The following PLCH1 variants were observed in gnomAD, a reference collection of about 807,000 sequenced individuals.
PLCH1 encodes the protein phospholipase C eta 1.
A neutral mutation model predicts 126.7 loss-of-function variants in PLCH1; 60 were observed. The observed-to-expected ratio is 0.47, with a 90% CI of 0.38 to 0.59. The LOEUF (loss-of-function observed/expected upper bound fraction) is 0.59, where lower values mean the gene tolerates loss of function less well. Among genes scored for constraint, PLCH1 ranks in the 20% least tolerant of loss-of-function variants. The probability of loss-of-function intolerance (pLI) is 0.00; values close to 1 mark genes in which losing one functional copy is unlikely to be tolerated. For missense variants in PLCH1, 1,723 were observed against 2,040.0 expected, an observed-to-expected ratio of 0.84 and a Z score of 2.99; for synonymous variants, 719 against 734.9, an observed-to-expected ratio of 0.98 and a Z score of 0.35.
At chr3:155,743,366 T>C (rs1420606138) in intron 1 of PLCH1, 2 of 386,310 alleles carry the variant, frequency 5.2e-6, no homozygotes, top group South Asian at 1.9e-5. Context: ...ACCCCGTCTC[T>C]ACTAAAAATA....
chr3:155,638,543 G>T (rs1418151614), intron 2 of PLCH1, among the ~76,000 whole-genome samples: 1 of 152,158 alleles, frequency 6.6e-6, no homozygotes, highest in Non-Finnish European at 1.5e-5. Flanking sequence ...AGCCAGCTGT[G>T]ACTTCATTTT....
At chr3:155,462,498 A>G (rs1389008166) in intron 21 of PLCH1, among the ~76,000 whole-genome samples, 1 of 152,156 alleles carries the variant, frequency 6.6e-6, no homozygotes, top group African/African-American at 2.4e-5. Flanking sequence ...TGTTTAGGGG[A>G]TTGAAACTGA....
At chr3:155,706,432 C>T (rs2109089676) in intron 1 of PLCH1, among the ~76,000 whole-genome samples, 1 of 151,800 alleles carries the variant, frequency 6.6e-6, no homozygotes, top group South Asian at 2.1e-4. Context: ...CCAGCCTGAC[C>T]AACATGGTGA....
intron 2 of PLCH1, among the ~76,000 whole-genome samples, chr3:155,637,463 A>C (rs1738873617): frequency 6.6e-6 from 1 of 151,026 alleles, no homozygotes; most frequent in Non-Finnish European, 1.5e-5. Context: ...GAGCAAAATA[A>C]AATGCCATGT....
chr3:155,479,521 A>T (rs1012245942), downstream of PLCH1, among the ~76,000 whole-genome samples: 1 of 151,690 alleles, frequency 6.6e-6, no homozygotes, highest in East Asian at 1.9e-4. Flanking sequence ...GCCAAACATA[A>T]CCTCTCACTT....
intron 4 of PLCH1, among the ~76,000 whole-genome samples, chr3:155,590,375 G>A (rs948721055): frequency 3.3e-5 from 5 of 152,138 alleles, no homozygotes; most frequent in African/African-American, 4.8e-5. Flanking sequence ...TCAGGAGATA[G>A]AGACCATCCT....
chr3:155,635,843 C>T (rs883701), intron 2 of PLCH1, among the ~76,000 whole-genome samples: 43,867 of 151,844 alleles, frequency 0.29, 6,789 homozygotes, highest in East Asian at 0.43. Flanking sequence ...TGTTTAGATA[C>T]TTTTGGCTGC....
At position 155,601,168 on chromosome 3, in the gene PLCH1, A is replaced by G. The variant is rs568440699; in HGVS notation, c.80-4790T>C. Reference sequence around the variant, plus strand: ...TTTTTTTGTATTTTTTAGTAGAGACAGGGTTTCACCGTGTTAGCCAGTATG... The same window carrying G: ...TTTTTTTGTATTTTTTAGTAGAGACGGGGTTTCACCGTGTTAGCCAGTATG... On this transcript the variant is annotated intron_variant, in intron 2 of 22. Transcript: ENST00000460012. 7.6e-4 allele frequency among the ~76,000 whole-genome samples: 115 copies of G among 152,218 alleles called. 4 individuals carry two copies. In the South Asian group the frequency reaches 0.02, roughly 27 times the overall value.
In PLCH1 at chr3:155,488,579, T is replaced by G. The variant is rs1271897381; in HGVS notation, c.2539+81A>C. On this transcript the variant is annotated intron_variant, in intron 20 of 22. Coordinates refer to ENST00000460012, the MANE Select transcript of PLCH1 (RefSeq NM_014996.4). ...ACATATTTTATCACGTATGCTATTATGTAAGTAACATATCATATATTACGT... is the reference window on the plus strand; with the variant it reads ...ACATATTTTATCACGTATGCTATTAGGTAAGTAACATATCATATATTACGT... 17 of 1,153,878 alleles carry G rather than the reference T, an allele frequency of 1.5e-5. No individual in the cohort carries two copies. In the East Asian group the frequency reaches 3.8e-4, roughly 26 times the overall value. 71.5% of individuals were successfully genotyped at this position (1,153,878 alleles called of 1,614,324 possible).
chr3:155,627,152 G>A (rs1440858632), intron 2 of PLCH1, among the ~76,000 whole-genome samples: 4 of 152,162 alleles, frequency 2.6e-5, no homozygotes, highest in East Asian at 1.9e-4. Flanking sequence ...ATGAATTAGC[G>A]ACGTTATTTG....
At chr3:155,743,361 G>A (rs1405743294) in intron 1 of PLCH1, 6 of 389,448 alleles carry the variant, frequency 1.5e-5, no homozygotes, top group Admixed American at 3.5e-5. Context: ...GTGAAACCCC[G>A]TCTCTACTAA....
At chr3:155,494,287 G>C in intron 16 of PLCH1, 39 bp from the exon 17 acceptor site, 1 of 1,609,558 alleles carries the variant, frequency 6.2e-7, no homozygotes, top group Non-Finnish European at 8.5e-7. Context: ...AGGCAAGATG[G>C]TGGCATAGTG....
At chr3:155,738,714 G>A (rs575154528) in intron 1 of PLCH1, among the ~76,000 whole-genome samples, 1 of 151,664 alleles carries the variant, frequency 6.6e-6, no homozygotes, top group African/African-American at 2.4e-5. Flanking sequence ...TTGAAACCGG[G>A]AGGCGGAGGT....
chr3:155,563,440 C>G (rs887468978), intron 8 of PLCH1, among the ~76,000 whole-genome samples: 7 of 152,068 alleles, frequency 4.6e-5, no homozygotes, highest in Admixed American at 3.9e-4. Flanking sequence ...TCTAGCTCTC[C>G]CCTTCGTTCC....
At chr3:155,669,592 TA>T (rs756563249) in intron 2 of PLCH1, among the ~76,000 whole-genome samples, 3 of 152,200 alleles carry the variant, frequency 2.0e-5, no homozygotes, top group Non-Finnish European at 2.9e-5. Flanking sequence ...CTCATTTTCT[TA>T]GTTAATTTTC....
At chr3:155,709,666 A>C (rs573506396) in intron 1 of PLCH1, among the ~76,000 whole-genome samples, 3 of 152,166 alleles carry the variant, frequency 2.0e-5, no homozygotes, top group Admixed American at 2.0e-4. Context: ...ACTCAGGCCG[A>C]AGTACAGTGG....
rs527846130 is a variant in PLCH1 at position 155,615,992 on chromosome 3, A to T, written c.80-19614T>A. ...CCTTACTAGATGCTTTAAAGTCATAAACTGCTTCTATGGCTTTTGATAATT... is the reference window on the plus strand; with the variant it reads ...CCTTACTAGATGCTTTAAAGTCATATACTGCTTCTATGGCTTTTGATAATT... On this transcript the variant is annotated intron_variant, in intron 2 of 22. Coordinates refer to ENST00000460012, the MANE Select transcript of PLCH1 (RefSeq NM_014996.4). 1.2e-4 allele frequency among the ~76,000 whole-genome samples: 18 copies of T among 152,276 alleles called. No individual in the cohort carries two copies. In the South Asian group the frequency reaches 3.5e-3, roughly 30 times the overall value.
At chr3:155,737,564 G>C (rs1749292274) in intron 1 of PLCH1, among the ~76,000 whole-genome samples, 1 of 152,090 alleles carries the variant, frequency 6.6e-6, no homozygotes, top group Non-Finnish European at 1.5e-5. Context: ...TAAAAAATCA[G>C]AGGGTCTTCA....
chr3:155,564,645 T>C (rs1728077775), intron 8 of PLCH1, among the ~76,000 whole-genome samples: 1 of 152,168 alleles, frequency 6.6e-6, no homozygotes, highest in African/African-American at 2.4e-5. Flanking sequence ...TAATTAAAAA[T>C]ATCTTTCTAG....
Sources: gnomAD v4.1 joint callset for allele counts (sites outside exome capture counted in the v4.1 genomes callset) on GRCh38, gnomAD v4.1.1 for gene constraint, MANE v1.5 for transcripts, NCBI Gene and HGNC (gene_info 2026-07-23, HGNC 2026-07-21) for gene names.